Variants in PRUNE2 observed in about 807,000 individuals in gnomAD.
PRUNE2 encodes the protein prune homolog 2 with BCH domain, also known as protein prune homolog 2.
In PRUNE2, 164 loss-of-function variants were observed where a neutral mutation model predicts 252.0. The observed-to-expected ratio is 0.65, with a 90% confidence interval of 0.57 to 0.74. The LOEUF is 0.74. Ranked by LOEUF, PRUNE2 falls within the 30% of genes least tolerant of loss-of-function variation. The probability of loss-of-function intolerance (pLI) is 0.00; values close to 1 mark genes in which losing one functional copy is unlikely to be tolerated. For synonymous variants in PRUNE2, 1,292 were observed against 1,350.2 expected, an observed-to-expected ratio of 0.96 and a Z score of 0.94; for missense variants, 3,495 against 3,711.0, an observed-to-expected ratio of 0.94 and a Z score of 1.51.
At chr9:76,879,931 TGAGACG>T (rs2061682481) in intron 1 of PRUNE2, among the ~76,000 whole-genome samples, 1 of 135,176 alleles carries the variant, frequency 7.4e-6, no homozygotes, top group Non-Finnish European at 1.6e-5. Context: ...TTTTTTTTTT[TGAGACG>T]GAGTCTCACT....
chr9:76,886,421 T>C (rs895851348), intron 1 of PRUNE2, among the ~76,000 whole-genome samples: 5 of 152,122 alleles, frequency 3.3e-5, no homozygotes, highest in African/African-American at 9.7e-5. Flanking sequence ...ACAAAAACAG[T>C]TGTCAGGCCA....
rs544996504 is a variant in PRUNE2, at chr9:76,741,100, T to C, written c.757-27379A>G. Among the ~76,000 whole-genome samples, 8 of 152,338 alleles carry C rather than the reference T, an allele frequency of 5.3e-5. No individual in the cohort carries two copies. In the South Asian group the frequency reaches 1.0e-3, roughly 20 times the overall value. The stretch of plus-strand genomic sequence containing the variant: ...AGGAACCCAAAAATTCCATTAAGTA[T>C]AATACATTTGCTAATCATATACAAA... On this transcript the variant is annotated intron_variant, in intron 6 of 18. Transcript: ENST00000376718.
chr9:76,784,424 C>G (rs1033100982), intron 6 of PRUNE2: 1 of 152,142 alleles, frequency 6.6e-6, no homozygotes, highest in Non-Finnish European at 1.5e-5. Flanking sequence ...GAGATAACCA[C>G]GGGGCAGAGG....
chr9:76,888,544 T>G (rs1336512091), intron 1 of PRUNE2, among the ~76,000 whole-genome samples: 1 of 151,616 alleles, frequency 6.6e-6, no homozygotes, highest in Non-Finnish European at 1.5e-5. Flanking sequence ...ACCACTGCAC[T>G]TCAGCCTGGG....
intron 6 of PRUNE2, among the ~76,000 whole-genome samples, chr9:76,749,227 C>A (rs1257584324): frequency 6.6e-6 from 1 of 152,192 alleles, no homozygotes; most frequent in African/African-American, 2.4e-5. Context: ...TCAGCTGGTA[C>A]AAAGACCTCA....
At chr9:76,698,868 C>A (rs2045632405) in intron 9 of PRUNE2, among the ~76,000 whole-genome samples, 1 of 152,082 alleles carries the variant, frequency 6.6e-6, no homozygotes, top group African/African-American at 2.4e-5. Context: ...ACCATAGAAC[C>A]AAATACACTG....
intron 9 of PRUNE2, among the ~76,000 whole-genome samples, chr9:76,689,504 T>G (rs1016585994): frequency 2.0e-5 from 3 of 151,608 alleles, no homozygotes; most frequent in Non-Finnish European, 4.4e-5. Flanking sequence ...TACAGGTGCA[T>G]GCCACCACAT....
chr9:76,869,530 G>C (rs1433881825), intron 1 of PRUNE2, among the ~76,000 whole-genome samples: 1 of 151,936 alleles, frequency 6.6e-6, no homozygotes, highest in African/African-American at 2.4e-5. Flanking sequence ...ACAGTATCTG[G>C]TGCACAGTAG....
chr9:76,887,326 T>C (rs1256603311), intron 1 of PRUNE2, among the ~76,000 whole-genome samples: 2 of 152,136 alleles, frequency 1.3e-5, no homozygotes, highest in Non-Finnish European at 2.9e-5. Context: ...CCAAATCTCC[T>C]ATTTTTTAAG....
At chr9:76,685,362 C>T (rs1431240440) in intron 9 of PRUNE2, among the ~76,000 whole-genome samples, 2 of 152,174 alleles carry the variant, frequency 1.3e-5, no homozygotes, top group African/African-American at 4.8e-5. Flanking sequence ...TGTCACCAAT[C>T]ACAGGACCAT....
intron 11 of PRUNE2, among the ~76,000 whole-genome samples, chr9:76,650,214 TTATATAATATAATGAGG>T (rs1229939324): frequency 3.3e-5 from 5 of 150,814 alleles, no homozygotes; most frequent in Admixed American, 6.6e-5. Flanking sequence ...ATATAATGAA[TTATATAATATAATGAGG>T]TATATAATAT....
chr9:76,901,523 C>T (rs1035746495), intron 1 of PRUNE2, among the ~76,000 whole-genome samples: 4 of 152,176 alleles, frequency 2.6e-5, no homozygotes, highest in Admixed American at 6.5e-5. Context: ...TTTATTGATA[C>T]GCGGAACTTT....
At chr9:76,830,755 T>TA (rs35455005) in intron 4 of PRUNE2, among the ~76,000 whole-genome samples, 26 of 150,680 alleles carry the variant, frequency 1.7e-4, no homozygotes, top group African/African-American at 6.1e-4. Context: ...GTAAAACTGC[T>TA]AAAAAAATTA....
intron 9 of PRUNE2, among the ~76,000 whole-genome samples, chr9:76,677,488 G>C (rs2042805348): frequency 6.6e-6 from 1 of 152,138 alleles, no homozygotes; most frequent in South Asian, 2.1e-4. Flanking sequence ...TTTCCATCTG[G>C]ATGACCAAAC....
At chr9:76,759,594 A>AT (rs962957559) in intron 6 of PRUNE2, 1 of 152,178 alleles carries the variant, frequency 6.6e-6, no homozygotes, top group Non-Finnish European at 1.5e-5. Context: ...GGGGAAGATC[A>AT]TCTTCCCACT....
chr9:76,780,246 CAT>C (rs993857128), intron 6 of PRUNE2, among the ~76,000 whole-genome samples: 5 of 152,122 alleles, frequency 3.3e-5, no homozygotes, highest in African/African-American at 1.2e-4. Context: ...CCAGTAAACT[CAT>C]AATGAAGCAG....
intron 1 of PRUNE2, among the ~76,000 whole-genome samples, chr9:76,868,766 T>C (rs370386200): frequency 1.4e-5 from 2 of 147,984 alleles, no homozygotes; most frequent in East Asian, 4.0e-4. Context: ...TATTCTAGAT[T>C]AAAGTATTTT....
chr9:76,655,445 G>C lies in PRUNE2; in HGVS notation c.8334C>G (p.Pro2778=). The C allele has an allele frequency of 6.2e-7, 1 of 1,612,250 alleles. No homozygotes were observed. Among genetic ancestry groups the C allele is most frequent in the South Asian group, 1.1e-5 (1 of 90,608 alleles). ...CACCAGGCCTCATGTCTGCAGCACT[G>C]GGACTCAGCACGCCCTCTTCAAAGG... ...DIPFEEGVLS[P]SAADMRPEPP... The change falls in exon 10 of 19, where the codon CCC becomes CCG. Residue 2778 remains proline, a synonymous_variant. Coordinates refer to ENST00000376718, the MANE Select transcript of PRUNE2 (RefSeq NM_015225.3).
Position 76,906,038 on chromosome 9 carries a change from G to C in PRUNE2, c.-75C>G, listed in dbSNP as rs2063476028. On this transcript the variant is annotated 5_prime_UTR_variant, in exon 1 of 19. Coordinates refer to ENST00000376718, the MANE Select transcript of PRUNE2 (RefSeq NM_015225.3). ...AATCTCGGCCCAAGGAAGACGAGCGGGGTCCCGGGAAAGTGGCCCGCCGGG... is the reference window on the plus strand; with the variant it reads ...AATCTCGGCCCAAGGAAGACGAGCGCGGTCCCGGGAAAGTGGCCCGCCGGG... 9.1e-6 allele frequency: 14 copies of C among 1,542,186 alleles called. No homozygotes were observed. The highest frequency in any genetic ancestry group is 1.3e-5 in the Non-Finnish European group (14 of 1,116,330).
Sources: gnomAD v4.1 joint callset for allele counts (sites outside exome capture counted in the v4.1 genomes callset) on GRCh38, gnomAD v4.1.1 for gene constraint, MANE v1.5 for transcripts, NCBI Gene and HGNC (gene_info 2026-07-23, HGNC 2026-07-21) for gene names.